Variants in CDH12 observed in about 807,000 individuals in gnomAD.
The protein encoded by CDH12 is cadherin 12.
CDH12 carries 41 observed loss-of-function variants against 74.1 expected under a neutral mutation model. The ratio of observed to expected loss-of-function variants is 0.55; its 90% CI spans 0.43 to 0.72. The LOEUF (loss-of-function observed/expected upper bound fraction) is 0.72, where lower values mean the gene tolerates loss of function less well. Among genes scored for constraint, CDH12 ranks in the 30% least tolerant of loss-of-function variants. CDH12 has a pLI of 0.00. For synonymous variants in CDH12, 399 were observed against 355.0 expected (o/e 1.12, Z -1.39); for missense variants, 945 against 977.2 (o/e 0.97, Z 0.44).
chr5:22,367,373 G>A (rs185029351), intron 3 of CDH12, among the ~76,000 whole-genome samples: 40 of 152,320 alleles, frequency 2.6e-4, no homozygotes, highest in African/African-American at 9.4e-4. Flanking sequence ...ATGTCTGCAT[G>A]AGATTTTTAC....
At chr5:22,279,900 G>A (rs1354407975) in intron 3 of CDH12, among the ~76,000 whole-genome samples, 9 of 152,160 alleles carry the variant, frequency 5.9e-5, no homozygotes, top group Non-Finnish European at 1.2e-4. Flanking sequence ...CCGGTAATGG[G>A]ATGGCTGGGT....
At chr5:21,946,943 G>T (rs1230757158) in intron 6 of CDH12, among the ~76,000 whole-genome samples, 6 of 152,178 alleles carry the variant, frequency 3.9e-5, no homozygotes, top group Non-Finnish European at 8.8e-5. Context: ...GGAAGTGATT[G>T]GATCCTGGAG....
intron 2 of CDH12, among the ~76,000 whole-genome samples, chr5:22,418,995 G>A (rs1040823798): frequency 3.3e-5 from 5 of 152,082 alleles, no homozygotes; most frequent in African/African-American, 4.8e-5. Flanking sequence ...GAAGTTTGTC[G>A]AAGGTCTTTT....
intron 7 of CDH12, among the ~76,000 whole-genome samples, chr5:21,848,354 T>A (rs539215940): frequency 1.4e-4 from 22 of 152,046 alleles, no homozygotes; most frequent in African/African-American, 5.1e-4. Flanking sequence ...AGATAGCTAA[T>A]AAGGTGAAGG....
intron 8 of CDH12, among the ~76,000 whole-genome samples, chr5:21,827,675 A>G (rs1334404134): frequency 6.6e-6 from 1 of 152,168 alleles, no homozygotes; most frequent in Non-Finnish European, 1.5e-5. Context: ...AGAAATTCCA[A>G]CCAACCCAAT....
At chr5:22,800,740 T>C (rs1748467089) in intron 1 of CDH12, among the ~76,000 whole-genome samples, 1 of 152,202 alleles carries the variant, frequency 6.6e-6, no homozygotes, top group African/African-American at 2.4e-5. Flanking sequence ...ACTGAACTTT[T>C]TATTGTCTCT....
At chr5:22,236,379 T>C (rs757575754) in intron 3 of CDH12, among the ~76,000 whole-genome samples, 4 of 152,206 alleles carry the variant, frequency 2.6e-5, no homozygotes, top group Non-Finnish European at 5.9e-5. Flanking sequence ...TATTCTATTA[T>C]CTTTTTCTAT....
chr5:22,531,540 C>T (rs558962031), intron 1 of CDH12, among the ~76,000 whole-genome samples: 134 of 152,094 alleles, frequency 8.8e-4, no homozygotes, highest in African/African-American at 2.9e-3. Flanking sequence ...TAGGATGCAC[C>T]TTTGTGGGAG....
chr5:22,717,733 A>G (rs1316736440), intron 1 of CDH12, among the ~76,000 whole-genome samples: 1 of 152,128 alleles, frequency 6.6e-6, no homozygotes, highest in Non-Finnish European at 1.5e-5. Flanking sequence ...GGAGAGGTAA[A>G]CTTCTATTTG....
At chr5:22,209,669 C>T (rs1751419440) in intron 4 of CDH12, among the ~76,000 whole-genome samples, 1 of 150,702 alleles carries the variant, frequency 6.6e-6, no homozygotes, top group Non-Finnish European at 1.5e-5. Context: ...GCACACTAAC[C>T]TCTTTCAGAA....
At chr5:21,790,872 C>G (rs927515175) in intron 10 of CDH12, among the ~76,000 whole-genome samples, 2 of 151,998 alleles carry the variant, frequency 1.3e-5, no homozygotes, top group Non-Finnish European at 2.9e-5. Context: ...AACTATGAAG[C>G]TCCCACACAA....
chr5:21,984,320 T>C (rs1757427200), intron 5 of CDH12, among the ~76,000 whole-genome samples: 2 of 152,202 alleles, frequency 1.3e-5, no homozygotes, highest in African/African-American at 4.8e-5. Context: ...ATTTCTTTAT[T>C]GTTTACATTC....
chr5:21,807,594 G>A (rs1747502992), intron 9 of CDH12, among the ~76,000 whole-genome samples: 1 of 152,150 alleles, frequency 6.6e-6, no homozygotes. Context: ...TAAGAGAATA[G>A]CTACCTGGGC....
rs190051330 is a variant in CDH12 at position 21,766,239 on chromosome 5, T to G, written c.1394-1140A>C. On this transcript the variant is annotated intron_variant, in intron 11 of 14. Transcript: ENST00000382254. ...ATAACAAGCGTTTGACACAATAGCT[T>G]TAACAGCATTCTGATATTCACATAT... Among the ~76,000 whole-genome samples the G allele has an allele frequency of 4.2e-3, 639 of 152,098 alleles. 5 individuals carry two copies. Among genetic ancestry groups the G allele is most frequent in the African/African-American group, 0.014 (592 of 41,558 alleles).
At chr5:22,157,921 T>TC in intron 4 of CDH12, among the ~76,000 whole-genome samples, 1 of 152,166 alleles carries the variant, frequency 6.6e-6, no homozygotes, top group Admixed American at 6.5e-5. Context: ...TGTTTTTTTT[T>TC]CCGGGATAAA....
intron 1 of CDH12, among the ~76,000 whole-genome samples, chr5:22,706,490 T>C (rs1054686915): frequency 3.3e-5 from 5 of 152,008 alleles, no homozygotes; most frequent in Admixed American, 2.6e-4. Flanking sequence ...TACATTTATT[T>C]TTATAATTTA....
chr5:21,864,794 G>A (rs1390805475), intron 6 of CDH12, among the ~76,000 whole-genome samples: 1 of 152,184 alleles, frequency 6.6e-6, no homozygotes, highest in East Asian at 1.9e-4. Flanking sequence ...TGAGGGCTCA[G>A]AAGAAAAGAA....
intron 1 of CDH12, among the ~76,000 whole-genome samples, chr5:22,824,598 C>T (rs1320101160): frequency 6.6e-6 from 1 of 151,918 alleles, no homozygotes; most frequent in African/African-American, 2.4e-5. Context: ...AAATTACCAA[C>T]ATAAGCATTA....
intron 2 of CDH12, among the ~76,000 whole-genome samples, chr5:22,464,240 C>G (rs545751677): frequency 2.6e-5 from 4 of 152,180 alleles, no homozygotes; most frequent in Non-Finnish European, 5.9e-5. Context: ...CCCAGCCACG[C>G]AGAACTGCAA....
Sources: allele counts gnomAD v4.1 joint callset (sites outside exome capture counted in the v4.1 genomes callset), GRCh38; gene constraint gnomAD v4.1.1; transcripts MANE v1.5; gene names NCBI Gene and HGNC (gene_info 2026-07-23, HGNC 2026-07-21).